The following TENM3 variants were observed in gnomAD, a reference collection of about 807,000 sequenced individuals.
TENM3 encodes the protein teneurin-3.
TENM3 carries 63 observed loss-of-function variants against 255.1 expected under a neutral mutation model. That is an observed-to-expected ratio of 0.25 (90% CI 0.20 to 0.30). The LOEUF (loss-of-function observed/expected upper bound fraction) is 0.30, where lower values mean the gene tolerates loss of function less well. TENM3 is among the 10% of genes least tolerant of loss of function. The pLI is 1.00. For missense variants in TENM3, 2,929 were observed against 3,461.1 expected, an observed-to-expected ratio of 0.85 and a Z score of 3.86; for synonymous variants, 1,306 against 1,322.3, an observed-to-expected ratio of 0.99 and a Z score of 0.27.
chr4:182,500,224 A>C (rs988223523), intron 3 of TENM3, among the ~76,000 whole-genome samples: 9 of 152,222 alleles, frequency 5.9e-5, no homozygotes, highest in Non-Finnish European at 1.3e-4. Context: ...AACTTGACAA[A>C]GAAGAGCTTT....
the TENM3 span, among the ~76,000 whole-genome samples, chr4:181,698,377 T>TA: frequency 2.2e-4 from 34 of 152,230 alleles, no homozygotes; most frequent in African/African-American, 7.9e-4. Context: ...TTCCAAGTCT[T>TA]AAAAATGTTT....
chr4:181,844,581 T>A, the TENM3 span, among the ~76,000 whole-genome samples: 1 of 151,446 alleles, frequency 6.6e-6, no homozygotes, highest in East Asian at 2.0e-4. Context: ...GGCAGGAGAA[T>A]GGCGTGAACC....
chr4:182,462,676 C>T (rs946703879), intron 3 of TENM3, among the ~76,000 whole-genome samples: 19 of 152,000 alleles, frequency 1.3e-4, no homozygotes, highest in African/African-American at 4.3e-4. Context: ...CACCTGAGGT[C>T]AGGAGTTGGC....
the TENM3 span, among the ~76,000 whole-genome samples, chr4:181,541,096 G>A: frequency 5.3e-5 from 8 of 152,132 alleles, no homozygotes; most frequent in African/African-American, 1.7e-4. Context: ...AGTTCAGGCC[G>A]GGCACAGTGG....
intron 3 of TENM3, among the ~76,000 whole-genome samples, chr4:182,402,300 T>C (rs1486886147): frequency 6.6e-6 from 1 of 152,240 alleles, no homozygotes; most frequent in Admixed American, 6.5e-5. Flanking sequence ...TATTTCTATC[T>C]AGATGGGCAA....
the TENM3 span, among the ~76,000 whole-genome samples, chr4:182,016,254 C>T: frequency 6.6e-5 from 10 of 152,246 alleles, no homozygotes; most frequent in East Asian, 1.4e-3. Context: ...TTGGTGCTAC[C>T]GTTGAGGTAC....
At chr4:182,076,054 C>G in the TENM3 span, among the ~76,000 whole-genome samples, 1 of 152,088 alleles carries the variant, frequency 6.6e-6, no homozygotes, top group East Asian at 1.9e-4. Flanking sequence ...GCTGGGAATA[C>G]AGATGTGTGA....
At chr4:181,860,493 A>G in the TENM3 span, among the ~76,000 whole-genome samples, 1 of 152,222 alleles carries the variant, frequency 6.6e-6, no homozygotes, top group Non-Finnish European at 1.5e-5. Context: ...CATAGACAAT[A>G]CAACCAAGAG....
intron 12 of TENM3, among the ~76,000 whole-genome samples, chr4:182,707,268 GC>G (rs1321659300): frequency 6.6e-6 from 1 of 152,278 alleles, no homozygotes; most frequent in East Asian, 1.9e-4. Flanking sequence ...AGATGGAGGG[GC>G]GCCCAGAATG....
intron 3 of TENM3, among the ~76,000 whole-genome samples, chr4:182,421,551 T>C (rs1770833969): frequency 6.6e-6 from 1 of 152,178 alleles, no homozygotes; most frequent in African/African-American, 2.4e-5. Flanking sequence ...CTTACTTCTG[T>C]TAGTAAATGT....
chr4:182,421,641 A>C (rs950946388), intron 3 of TENM3, among the ~76,000 whole-genome samples: 1 of 152,216 alleles, frequency 6.6e-6, no homozygotes, highest in African/African-American at 2.4e-5. Flanking sequence ...GGAGAATCAA[A>C]GAAAACTCAG....
intron 5 of TENM3, among the ~76,000 whole-genome samples, chr4:182,653,395 T>C (rs1241545009): frequency 6.6e-6 from 1 of 152,220 alleles, no homozygotes; most frequent in Non-Finnish European, 1.5e-5. Context: ...CAAAGTAGCA[T>C]AAATTTGCAA....
chr4:181,786,945 C>G, the TENM3 span, among the ~76,000 whole-genome samples: 1 of 152,124 alleles, frequency 6.6e-6, no homozygotes, highest in Non-Finnish European at 1.5e-5. Flanking sequence ...TTTCATCTGA[C>G]CAGAAAGGGC....
chr4:182,484,469 A>G (rs1177629434), intron 3 of TENM3, among the ~76,000 whole-genome samples: 1 of 151,966 alleles, frequency 6.6e-6, no homozygotes, highest in Non-Finnish European at 1.5e-5. Flanking sequence ...ACTTTACCTT[A>G]TTTGTTCCAT....
chr4:181,848,089 T>A, the TENM3 span, among the ~76,000 whole-genome samples: 1 of 152,216 alleles, frequency 6.6e-6, no homozygotes, highest in Non-Finnish European at 1.5e-5. Context: ...GCGCCCTTTA[T>A]CTATTCTAGT....
At chr4:181,754,065 C>T in the TENM3 span, among the ~76,000 whole-genome samples, 1 of 152,134 alleles carries the variant, frequency 6.6e-6, no homozygotes, top group African/African-American at 2.4e-5. Flanking sequence ...ATAGTTATGT[C>T]AGCAGATATT....
chr4:181,924,584 T>G, the TENM3 span, among the ~76,000 whole-genome samples: 19 of 152,354 alleles, frequency 1.2e-4, no homozygotes, highest in African/African-American at 4.1e-4. Flanking sequence ...CTGTTCATTG[T>G]TAATGCCTCA....
intron 3 of TENM3, among the ~76,000 whole-genome samples, chr4:182,527,784 G>A (rs1439201963): frequency 6.6e-6 from 1 of 152,020 alleles, no homozygotes; most frequent in Non-Finnish European, 1.5e-5. Flanking sequence ...CTGGAGTACA[G>A]CGGCACAATC....
At chr4:181,763,004 T>G in the TENM3 span, among the ~76,000 whole-genome samples, 5 of 152,298 alleles carry the variant, frequency 3.3e-5, no homozygotes, top group East Asian at 9.6e-4. Flanking sequence ...AAAATATGAT[T>G]GAAACCTTGT....
Sources: allele counts gnomAD v4.1 joint callset (sites outside exome capture counted in the v4.1 genomes callset), GRCh38; gene constraint gnomAD v4.1.1; transcripts MANE v1.5; gene names NCBI Gene and HGNC (gene_info 2026-07-23, HGNC 2026-07-21).